Variants in DNAH11 observed in about 807,000 individuals in gnomAD.
The protein encoded by DNAH11 is dynein axonemal heavy chain 11.
Under a neutral mutation model 526.0 loss-of-function variants are expected in DNAH11, and 442 were observed. The observed-to-expected ratio is 0.84, with a 90% CI of 0.78 to 0.91. The LOEUF (loss-of-function observed/expected upper bound fraction) is 0.91, where lower values mean the gene tolerates loss of function less well. DNAH11 is among the 40% of genes least tolerant of loss of function. DNAH11 has a pLI of 0.00. For synonymous variants in DNAH11, 2,461 were observed against 1,935.9 expected, an observed-to-expected ratio of 1.27 and a Z score of -7.12; for missense variants, 6,989 against 5,448.7, an observed-to-expected ratio of 1.28 and a Z score of -8.90.
At chr7:21,668,813 T>C (rs1449015100) in intron 30 of DNAH11, among the ~76,000 whole-genome samples, 1 of 152,190 alleles carries the variant, frequency 6.6e-6, no homozygotes, top group Non-Finnish European at 1.5e-5. Context: ...TAAGTCTTTT[T>C]GTGAACATAT....
chr7:21,822,388 A>C (rs1053644140), intron 65 of DNAH11, among the ~76,000 whole-genome samples: 6 of 152,106 alleles, frequency 3.9e-5, no homozygotes, highest in Admixed American at 6.6e-5. Flanking sequence ...TCCCACAGGG[A>C]GGGAGGACAC....
rs143954803 is a variant in DNAH11 at position 21,543,186 on chromosome 7, G to A, written c.-60G>A. 713 of 1,453,172 alleles carry A rather than the reference G, an allele frequency of 4.9e-4. 2 individuals carry two copies. The African/African-American group carries it at 8.7e-3, about 18-fold the overall frequency. 90.0% of individuals were successfully genotyped at this position (1,453,172 alleles called of 1,614,324 possible). A position where few individuals can be genotyped will look rare whatever the true frequency, so the allele number is the denominator to read the frequency against. On this transcript the variant is annotated 5_prime_UTR_variant, in exon 1 of 82. Coordinates refer to ENST00000409508, the MANE Select transcript of DNAH11 (RefSeq NM_001277115.2). ...GCGGAGGTGTCCTCGCTCACTTCGG[G>A]GGGCCCAGAGTCTCGGGTGAGGAGC...
At chr7:21,748,552 T>C in intron 51 of DNAH11, 28 bp from the exon 52 acceptor site, 1 of 1,452,808 alleles carries the variant, frequency 6.9e-7, no homozygotes, top group Non-Finnish European at 9.1e-7. Context: ...TTCGATTTTG[T>C]GCCATAATGG....
chr7:21,632,926 G>T (rs781661850), intron 25 of DNAH11, among the ~76,000 whole-genome samples: 42 of 152,170 alleles, frequency 2.8e-4, no homozygotes, highest in Admixed American at 1.7e-3. Context: ...ACATACCCAA[G>T]ATTGGGCAAT....
chr7:21,745,105 TG>T, intron 51 of DNAH11, 42 bp downstream of exon 51: 1 of 1,557,510 alleles, frequency 6.4e-7, no homozygotes, highest in East Asian at 2.3e-5. Context: ...AAAGGAAGAA[TG>T]GCTGGATATC....
In DNAH11 at chr7:21,852,480, A is replaced by C; in HGVS notation, c.10910A>C (p.Lys3637Thr). The C allele has an allele frequency of 1.2e-6, 2 of 1,613,536 alleles. No homozygotes were observed. The highest frequency in any genetic ancestry group is 8.5e-7 in the Non-Finnish European group (1 of 1,179,708). Reference sequence around the variant, plus strand: ...GGTTTTTATTAGTTGGTATTGACAAAGCACCAAAATGATTTTAAAATTGAG... The same window carrying C: ...GGTTTTTATTAGTTGGTATTGACAACGCACCAAAATGATTTTAAAATTGAG... ...DLEKLKLVLT[K>T]HQNDFKIELK... Residue 3637 changes from lysine (K) to threonine (T), a missense_variant, in exon 67 of 82, where the codon AAG becomes ACG. Physicochemically the swap from Lys to Thr is moderately conservative, Grantham distance 78 (BLOSUM62 -1). Coordinates refer to ENST00000409508, the MANE Select transcript of DNAH11 (RefSeq NM_001277115.2).
At position 21,710,579 on chromosome 7, in the gene DNAH11, T is replaced by C. The variant is rs778822042; in HGVS notation, c.6710T>C (p.Leu2237Pro). Reference protein sequence around the residue: ...GKIVYSYFIGLFSSILREQAN... With the variant: ...GKIVYSYFIGPFSSILREQAN... ...ATTGTTTACTCTTATTTTATAGGTC[T>C]CTTCTCATCCATTCTACGAGAACAA... is the stretch of plus-strand genomic sequence containing the variant. Residue 2237 changes from leucine (L) to proline (P), a missense_variant, in exon 41 of 82, where the codon CTC becomes CCC. By Grantham distance (98) the Leu-to-Pro change is moderately conservative. Transcript: ENST00000409508. 1.9e-6 allele frequency: 3 copies of C among 1,611,750 alleles called. No individual in the cohort carries two copies. The highest frequency in any genetic ancestry group is 2.5e-6 in the Non-Finnish European group (3 of 1,178,458).
intron 65 of DNAH11, among the ~76,000 whole-genome samples, chr7:21,825,616 C>CTTT (rs11375499): frequency 6.8e-6 from 1 of 146,808 alleles, no homozygotes. Flanking sequence ...TTCCTGCCTC[C>CTTT]TTTTTTTTTT....
intron 45 of DNAH11, among the ~76,000 whole-genome samples, chr7:21,733,713 A>G (rs1233600816): frequency 6.6e-6 from 1 of 152,210 alleles, no homozygotes; most frequent in Non-Finnish European, 1.5e-5. Context: ...GTAGAAGAGA[A>G]CCATAGAAAG....
chr7:21,626,202 G>A (rs181053545), intron 25 of DNAH11, among the ~76,000 whole-genome samples: 2 of 152,216 alleles, frequency 1.3e-5, no homozygotes, highest in East Asian at 1.9e-4. Flanking sequence ...ATGTGAATGG[G>A]AATACGTGAT....
At position 21,606,691 on chromosome 7, in the gene DNAH11, T is replaced by G. The variant is rs973037471; in HGVS notation, c.3810T>G (p.Pro1270=). 1 of 1,580,192 alleles carries G rather than the reference T, an allele frequency of 6.3e-7. No individual in the cohort carries two copies. The highest frequency in any genetic ancestry group is 1.7e-5 in the Admixed American group (1 of 57,348). ...EFRERFRHYA[P]LGFNAENPYT... Reference sequence around the variant, plus strand: ...GAGAGAGATTCAGACACTATGCCCCTCTTGGATTTAATGCAGAAAATCCAT... The same window carrying G: ...GAGAGAGATTCAGACACTATGCCCCGCTTGGATTTAATGCAGAAAATCCAT... Residue 1270 remains proline, a synonymous_variant, in exon 20 of 82, where the codon CCT becomes CCG. Transcript: ENST00000409508.
chr7:21,671,418 G>A (rs1782638390), intron 30 of DNAH11, among the ~76,000 whole-genome samples: 1 of 152,090 alleles, frequency 6.6e-6, no homozygotes, highest in African/African-American at 2.4e-5. Context: ...GCCACACTTG[G>A]CCTATGCTTT....
rs561082919 is a variant in DNAH11 at position 21,579,430 on chromosome 7, G to A, written c.1594-2475G>A. Among the ~76,000 whole-genome samples the A allele has an allele frequency of 8.5e-4, 129 of 152,300 alleles. 1 individual carries two copies. The highest frequency in any genetic ancestry group is 2.9e-3 in the African/African-American group (120 of 41,558). On this transcript the variant is annotated intron_variant, in intron 8 of 81. Coordinates refer to ENST00000409508, the MANE Select transcript of DNAH11 (RefSeq NM_001277115.2). ...CAGGCAGTTATCATATGGGTGCCCG[G>A]TGCTGGAGTATGAAGAGTACAGAGT...
chr7:21,901,607 G>A lies in DNAH11; in HGVS notation c.*353G>A, dbSNP rs1286421440. ...TACATCATAAAAGTACATCATATGT[G>A]AACATGCAAAAGCAATGCAGCCGGA... is the stretch of plus-strand genomic sequence containing the variant. On this transcript the variant is annotated 3_prime_UTR_variant, in exon 82 of 82. Transcript: ENST00000409508. The A allele has an allele frequency of 2.4e-5, 4 of 166,234 alleles. No homozygotes were observed. Among genetic ancestry groups the A allele is most frequent in the African/African-American group, 9.5e-5 (4 of 41,886 alleles). 10.3% of individuals were successfully genotyped at this position (166,234 alleles called of 1,614,324 possible).
At chr7:21,739,013 A>C in intron 47 of DNAH11, 147 bp downstream of exon 47, 1 of 825,966 alleles carries the variant, frequency 1.2e-6, no homozygotes, top group Non-Finnish European at 1.8e-6. Context: ...AGTTTCTTCT[A>C]AGGAATATCT....
chr7:21,827,411 A>T (rs1790351453), intron 65 of DNAH11, among the ~76,000 whole-genome samples: 1 of 151,712 alleles, frequency 6.6e-6, no homozygotes, highest in African/African-American at 2.4e-5. Flanking sequence ...ACCCCTAAAT[A>T]TTTTTGAATT....
chr7:21,685,286 A>C (rs147968685), intron 32 of DNAH11, among the ~76,000 whole-genome samples: 2 of 152,318 alleles, frequency 1.3e-5, no homozygotes, highest in Admixed American at 1.3e-4. Context: ...GCCATTGTCA[A>C]TAGAGAAGGA....
intron 35 of DNAH11, among the ~76,000 whole-genome samples, chr7:21,693,196 T>C (rs75781834): frequency 0.033 from 5,096 of 152,338 alleles, 194 homozygotes; most frequent in African/African-American, 0.1. Flanking sequence ...ATGTTTTCTT[T>C]TATAAGCTTT....
At chr7:21,826,957 A>C (rs1198763323) in intron 65 of DNAH11, among the ~76,000 whole-genome samples, 31 of 152,248 alleles carry the variant, frequency 2.0e-4, no homozygotes. Context: ...GATAAAGCAT[A>C]GTCCAAAAGT....
Sources: allele counts gnomAD v4.1 joint callset (sites outside exome capture counted in the v4.1 genomes callset), GRCh38; gene constraint gnomAD v4.1.1; transcripts MANE v1.5; gene names NCBI Gene and HGNC (gene_info 2026-07-23, HGNC 2026-07-21).